NECTIN3: variants seen among roughly 807,000 people sequenced by gnomAD.
NECTIN3 encodes the protein nectin cell adhesion molecule 3.
A neutral mutation model predicts 49.4 loss-of-function variants in NECTIN3; 8 were observed. That is an observed-to-expected ratio of 0.16 (90% CI 0.10 to 0.29). The LOEUF (loss-of-function observed/expected upper bound fraction) is 0.29. Among genes scored for constraint, NECTIN3 ranks in the 10% least tolerant of loss-of-function variants. The pLI is 1.00. For synonymous variants in NECTIN3, 277 were observed against 241.1 expected (o/e 1.15, Z -1.38); for missense variants, 581 against 654.6 (o/e 0.89, Z 1.23).
intron 7 of NECTIN3, among the ~76,000 whole-genome samples, chr3:111,153,371 TA>T (rs2035037132): frequency 6.6e-6 from 1 of 151,958 alleles, no homozygotes; most frequent in Admixed American, 6.6e-5. Flanking sequence ...TCTAAATATC[TA>T]AAAATATTTG....
intron 1 of NECTIN3, among the ~76,000 whole-genome samples, chr3:111,078,851 T>G (rs1038273922): frequency 2.0e-5 from 3 of 152,172 alleles, no homozygotes; most frequent in Non-Finnish European, 2.9e-5. Flanking sequence ...CTTTGTTATT[T>G]CAAAATCAGC....
In NECTIN3 at chr3:111,112,223, G is replaced by A. The variant is rs2033501655; in HGVS notation, c.354G>A (p.Gln118=). The part of the protein sequence containing the change: ...QYGFSVQGEY[Q]GRVLFKNYSL... Reference sequence around the variant, plus strand: ...GATTCTCTGTTCAAGGAGAATATCAGGGAAGAGTCTTGTTTAAAAATTACT... The same window carrying A: ...GATTCTCTGTTCAAGGAGAATATCAAGGAAGAGTCTTGTTTAAAAATTACT... Residue 118 remains glutamine, a synonymous_variant, in exon 2 of 6, where the codon CAG becomes CAA. Transcript: ENST00000485303. The A allele has an allele frequency of 6.2e-7, 1 of 1,613,872 alleles. No homozygotes were observed. The highest frequency in any genetic ancestry group is 8.5e-7 in the Non-Finnish European group (1 of 1,179,886).
chr3:111,072,497 C>G (rs1421459911), intron 1 of NECTIN3: 12 of 1,535,756 alleles, frequency 7.8e-6, no homozygotes, highest in Non-Finnish European at 1.0e-5. Flanking sequence ...CTCGCTCATT[C>G]TCTGGGAACC....
At chr3:111,147,143 C>T (rs2034892655) in intron 6 of NECTIN3, among the ~76,000 whole-genome samples, 1 of 152,062 alleles carries the variant, frequency 6.6e-6, no homozygotes, top group African/African-American at 2.4e-5. Flanking sequence ...TACTTAATTT[C>T]AATTCTTCTA....
At chr3:111,119,156 A>T (rs1026874919) in intron 3 of NECTIN3, among the ~76,000 whole-genome samples, 2 of 152,200 alleles carry the variant, frequency 1.3e-5, no homozygotes, top group African/African-American at 4.8e-5. Flanking sequence ...TCCAACTTAA[A>T]ATTATATAAC....
At position 111,135,024 on chromosome 3, in the gene NECTIN3, C is replaced by T. The variant is rs1448880357; in HGVS notation, c.*809C>T. 1.1e-5 allele frequency: 11 copies of T among 979,838 alleles called. No homozygotes were observed. The highest frequency in any genetic ancestry group is 1.8e-5 in the African/African-American group (1 of 56,898). 60.7% of individuals were successfully genotyped at this position (979,838 alleles called of 1,614,324 possible). On this transcript the variant is annotated 3_prime_UTR_variant, in exon 6 of 6. Transcript: ENST00000485303. ...ATGGATTTTGGTACATTAGCAGTAG[C>T]CTTATTTTAATGCTTTATGTCCTAA...
At chr3:111,187,806 T>G (rs1031324365), upstream of NECTIN3, among the ~76,000 whole-genome samples, 3 of 152,176 alleles carry the variant, frequency 2.0e-5, no homozygotes, top group African/African-American at 7.2e-5. Flanking sequence ...GGGAGGATGG[T>G]GGAACACAGG....
intron 1 of NECTIN3, chr3:111,072,553 C>T (rs1441426500): frequency 1.3e-6 from 2 of 1,535,588 alleles, no homozygotes; most frequent in African/African-American, 1.4e-5. Context: ...CTTTTTTTCC[C>T]GGTGAAACTT....
At chr3:111,127,786 G>A (rs1173369520) in intron 5 of NECTIN3, among the ~76,000 whole-genome samples, 1 of 151,778 alleles carries the variant, frequency 6.6e-6, no homozygotes, top group Non-Finnish European at 1.5e-5. Context: ...CAGGCTGGTC[G>A]TGAACTTCTG....
chr3:111,167,419 C>G (rs995349437), intron 7 of NECTIN3, among the ~76,000 whole-genome samples: 1 of 152,290 alleles, frequency 6.6e-6, no homozygotes, highest in African/African-American at 2.4e-5. Flanking sequence ...TAATAAAACA[C>G]TAGCTGTTCC....
chr3:111,132,803 G>T (rs577687115), intron 5 of NECTIN3, among the ~76,000 whole-genome samples: 1 of 151,982 alleles, frequency 6.6e-6, no homozygotes, highest in East Asian at 1.9e-4. Flanking sequence ...TGCAGATATA[G>T]TTGAAGTTTT....
Position 111,122,282 on chromosome 3 carries a change from C to A in NECTIN3, c.917+44C>A, listed in dbSNP as rs543748266. 7.1e-6 allele frequency: 10 copies of A among 1,406,526 alleles called. No individual in the cohort carries two copies. In the South Asian group the frequency reaches 1.2e-4, roughly 17 times the overall value. 87.1% of individuals were successfully genotyped at this position (1,406,526 alleles called of 1,614,324 possible). On this transcript the variant is annotated intron_variant, in intron 4 of 5. Transcript: ENST00000485303. Reference sequence around the variant, plus strand: ...AAAGAGAAATTATCTAAAAGTGAAACCTTCTTAAATCCCCATTCTAAATTG... The same window carrying A: ...AAAGAGAAATTATCTAAAAGTGAAAACTTCTTAAATCCCCATTCTAAATTG...
At chr3:111,182,260 T>A (rs1450971436) in intron 7 of NECTIN3, among the ~76,000 whole-genome samples, 2 of 152,134 alleles carry the variant, frequency 1.3e-5, no homozygotes, top group East Asian at 3.8e-4. Flanking sequence ...ATAGTCTGTC[T>A]TAGTGAATGT....
intron 1 of NECTIN3, chr3:111,072,472 G>GGTCCCCGGAGCTCATTCCTGGGTCCCC: frequency 6.5e-7 from 1 of 1,535,666 alleles, no homozygotes; most frequent in Non-Finnish European, 8.7e-7. Flanking sequence ...GGTTTGCTCC[G>GGTCCCCGGAGCTCATTCCTGGGTCCCC]GGGACCGTTA....
intron 1 of NECTIN3, among the ~76,000 whole-genome samples, chr3:111,081,911 A>G (rs1334334378): frequency 6.6e-6 from 1 of 152,228 alleles, no homozygotes; most frequent in Non-Finnish European, 1.5e-5. Flanking sequence ...TTTTGAAGGC[A>G]GGCAACTGTG....
At chr3:111,114,734 C>T (rs2033616972) in intron 2 of NECTIN3, among the ~76,000 whole-genome samples, 1 of 152,016 alleles carries the variant, frequency 6.6e-6, no homozygotes, top group Admixed American at 6.6e-5. Flanking sequence ...GCAGGGAAAA[C>T]AGAAAATGAT....
At chr3:111,182,350 T>G (rs1171830441) in intron 7 of NECTIN3, among the ~76,000 whole-genome samples, 1 of 152,116 alleles carries the variant, frequency 6.6e-6, no homozygotes, top group Non-Finnish European at 1.5e-5. Flanking sequence ...GTCAAGTTGG[T>G]TGATAGTGTT....
chr3:111,135,259 A>T lies in NECTIN3; in HGVS notation c.*1044A>T. On this transcript the variant is annotated 3_prime_UTR_variant, in exon 6 of 6. Coordinates refer to ENST00000485303, the MANE Select transcript of NECTIN3 (RefSeq NM_015480.3). Reference sequence around the variant, plus strand: ...TGGAACTTTGGATATAACTAGAAAAAACTAGATTATAGAATTAGTCGGTAA... The same window carrying T: ...TGGAACTTTGGATATAACTAGAAAATACTAGATTATAGAATTAGTCGGTAA... 1.0e-6 allele frequency: 1 copy of T among 969,514 alleles called. No individual in the cohort carries two copies. Among genetic ancestry groups the T allele is most frequent in the Non-Finnish European group, 1.2e-6 (1 of 815,780 alleles). 60.1% of individuals were successfully genotyped at this position (969,514 alleles called of 1,614,324 possible). A position where few individuals can be genotyped will look rare whatever the true frequency, so the allele number is the denominator to read the frequency against.
rs1160491659 is a variant in NECTIN3 at position 111,177,802 on chromosome 3, A to C, written c.1222-14549A>C. On this transcript the variant is annotated intron_variant, in intron 7 of 8. Coordinates refer to the NECTIN3 transcript ENST00000493615. ...TAGGCATTTATTAGTTATGGAAAACAGTGCATATGTGCATTTGTACCCCAG... is the reference window on the plus strand; with the variant it reads ...TAGGCATTTATTAGTTATGGAAAACCGTGCATATGTGCATTTGTACCCCAG... Among the ~76,000 whole-genome samples, 3 of 152,236 alleles carry C rather than the reference A, an allele frequency of 2.0e-5. No individual in the cohort carries two copies. The East Asian group carries it at 5.8e-4, about 29-fold the overall frequency.
Sources: gnomAD v4.1 joint callset for allele counts (sites outside exome capture counted in the v4.1 genomes callset) on GRCh38, gnomAD v4.1.1 for gene constraint, MANE v1.5 for transcripts, NCBI Gene and HGNC (gene_info 2026-07-23, HGNC 2026-07-21) for gene names.